Variants in FOXJ3 observed in about 807,000 individuals in gnomAD.
The protein encoded by FOXJ3 is forkhead box protein J3.
Under a neutral mutation model 76.1 loss-of-function variants are expected in FOXJ3, and 22 were observed. The ratio of observed to expected loss-of-function variants is 0.29; its 90% CI spans 0.21 to 0.41. The LOEUF (loss-of-function observed/expected upper bound fraction) is 0.41. Among genes scored for constraint, FOXJ3 ranks in the 10% least tolerant of loss-of-function variants. FOXJ3 has a pLI of 1.00. For missense variants in FOXJ3, 613 were observed against 762.1 expected (o/e 0.80, Z 2.30); for synonymous variants, 269 against 261.2 (o/e 1.03, Z -0.29).
At chr1:42,225,447 A>G (rs1192649808) in intron 5 of FOXJ3, among the ~76,000 whole-genome samples, 2 of 152,230 alleles carry the variant, frequency 1.3e-5, no homozygotes, top group South Asian at 2.1e-4. Context: ...AAGGAAAAAT[A>G]CAGGTAATTC....
chr1:42,245,715 C>A (rs899996347), intron 4 of FOXJ3, among the ~76,000 whole-genome samples: 1 of 68,836 alleles, frequency 1.5e-5, no homozygotes, highest in Non-Finnish European at 3.4e-5. Context: ...AACATCATAC[C>A]AAACTGAAAA....
intron 2 of FOXJ3, among the ~76,000 whole-genome samples, chr1:42,295,663 G>A (rs1317410072): frequency 6.6e-6 from 1 of 151,602 alleles, no homozygotes; most frequent in Non-Finnish European, 1.5e-5. Flanking sequence ...CAATTAGCTG[G>A]GATTACAGGT....
intron 11 of FOXJ3, among the ~76,000 whole-genome samples, chr1:42,188,055 G>T (rs1343294975): frequency 6.6e-6 from 1 of 152,178 alleles, no homozygotes; most frequent in African/African-American, 2.4e-5. Context: ...GGATAGAGAA[G>T]AGAGAGCTTG....
At chr1:42,192,635 T>C (rs1646572338) in intron 8 of FOXJ3, among the ~76,000 whole-genome samples, 1 of 152,230 alleles carries the variant, frequency 6.6e-6, no homozygotes, top group African/African-American at 2.4e-5. Context: ...TAATTTATGT[T>C]TGTTCTCCAA....
At chr1:42,334,894 G>C (rs1570283763) in intron 1 of FOXJ3, 165 bp downstream of exon 1, 1 of 152,310 alleles carries the variant, frequency 6.6e-6, no homozygotes, top group South Asian at 2.1e-4. Flanking sequence ...CCCAGCCGGG[G>C]CCCAGGCCCC....
At chr1:42,327,417 C>A (rs1655903869) in intron 1 of FOXJ3, among the ~76,000 whole-genome samples, 1 of 152,096 alleles carries the variant, frequency 6.6e-6, no homozygotes, top group Admixed American at 6.5e-5. Context: ...CTGTAATTAC[C>A]CAAAATTTGA....
rs1553169820 is a variant in FOXJ3, at chr1:42,316,349, T to TTTTTTTTTTTTTTTTTC, written c.-17-5240_-17-5239insGAAAAAAAAAAAAAAAA. On this transcript the variant is annotated intron_variant, in intron 1 of 12. Transcript: ENST00000361346. ...GCATTGGGCCTTTTTTTTTTTTTTT[T>TTTTTTTTTTTTTTTTTC]CTGTAGAAACAAGGTCTTGCTGTGT... is the stretch of plus-strand genomic sequence containing the variant. Among the ~76,000 whole-genome samples, 9 of 135,086 alleles carry TTTTTTTTTTTTTTTTTC rather than the reference T, an allele frequency of 6.7e-5. 1 individual carries two copies. Among genetic ancestry groups the TTTTTTTTTTTTTTTTTC allele is most frequent in the Non-Finnish European group, 1.1e-4 (7 of 60,942 alleles). 88.6% of individuals were successfully genotyped at this position (135,086 alleles called of 152,430 possible). A position where few individuals can be genotyped will look rare whatever the true frequency, so the allele number is the denominator to read the frequency against.
intron 4 of FOXJ3, among the ~76,000 whole-genome samples, chr1:42,260,450 C>A (rs1650946881): frequency 6.6e-6 from 1 of 152,120 alleles, no homozygotes; most frequent in African/African-American, 2.4e-5. Flanking sequence ...CCTCTAATCT[C>A]AACACTTTGG....
intron 4 of FOXJ3, among the ~76,000 whole-genome samples, chr1:42,234,512 T>C (rs921823010): frequency 2.6e-5 from 4 of 152,192 alleles, no homozygotes; most frequent in South Asian, 2.1e-4. Context: ...TCCTCTGTCT[T>C]TTCCCCATCT....
At chr1:42,271,131 G>A (rs1007326398) in intron 3 of FOXJ3, among the ~76,000 whole-genome samples, 2 of 152,068 alleles carry the variant, frequency 1.3e-5, no homozygotes, top group African/African-American at 4.8e-5. Context: ...CTAAGTTGAT[G>A]ATTTCTTTGT....
intron 2 of FOXJ3, among the ~76,000 whole-genome samples, chr1:42,299,650 G>A (rs996216000): frequency 2.0e-5 from 3 of 151,636 alleles, no homozygotes; most frequent in Admixed American, 1.3e-4. Context: ...GCTAATGCCC[G>A]TAATCCTAGC....
chr1:42,297,387 A>T (rs576378576), intron 2 of FOXJ3, among the ~76,000 whole-genome samples: 7 of 152,168 alleles, frequency 4.6e-5, no homozygotes, highest in Non-Finnish European at 8.8e-5. Flanking sequence ...CCCTTTCAAC[A>T]TGATGTTGTC....
intron 5 of FOXJ3, among the ~76,000 whole-genome samples, chr1:42,221,563 C>T (rs7526424): frequency 0.037 from 5,584 of 152,116 alleles, 125 homozygotes; most frequent in Middle Eastern, 0.092. Flanking sequence ...TCACGCAATC[C>T]TCTGGCCTCA....
intron 1 of FOXJ3, among the ~76,000 whole-genome samples, chr1:42,334,493 G>C (rs1326582768): frequency 1.3e-5 from 2 of 152,144 alleles, no homozygotes; most frequent in African/African-American, 2.4e-5. Flanking sequence ...CGCATGGAAC[G>C]GCTGCCTTTG....
intron 3 of FOXJ3, among the ~76,000 whole-genome samples, chr1:42,267,346 T>C (rs1174398498): frequency 6.6e-6 from 1 of 151,920 alleles, no homozygotes; most frequent in Non-Finnish European, 1.5e-5. Context: ...TACCGCACCC[T>C]CTCCAAGCAC....
chr1:42,288,104 T>C (rs1476755549), intron 2 of FOXJ3, among the ~76,000 whole-genome samples: 2 of 152,256 alleles, frequency 1.3e-5, no homozygotes, highest in Non-Finnish European at 2.9e-5. Flanking sequence ...TAAAGACTGT[T>C]GAACATTAAC....
intron 3 of FOXJ3, among the ~76,000 whole-genome samples, chr1:42,276,555 C>T (rs944884289): frequency 1.3e-5 from 2 of 152,134 alleles, no homozygotes; most frequent in Admixed American, 1.3e-4. Flanking sequence ...CTTCAAATAA[C>T]ATCATTTCGT....
chr1:42,257,689 G>T (rs569600065), intron 4 of FOXJ3, among the ~76,000 whole-genome samples: 1 of 147,866 alleles, frequency 6.8e-6, no homozygotes, highest in Non-Finnish European at 1.5e-5. Context: ...AGTGAAACAA[G>T]ATCATGCCAC....
At chr1:42,284,687 C>A (rs1175273093) in intron 2 of FOXJ3, among the ~76,000 whole-genome samples, 1 of 152,180 alleles carries the variant, frequency 6.6e-6, no homozygotes, top group Admixed American at 6.5e-5. Context: ...TGTCTTTCCA[C>A]CCAGACTATT....
Sources: gnomAD v4.1 joint callset for allele counts (sites outside exome capture counted in the v4.1 genomes callset) on GRCh38, gnomAD v4.1.1 for gene constraint, MANE v1.5 for transcripts, NCBI Gene and HGNC (gene_info 2026-07-23, HGNC 2026-07-21) for gene names.